The following DAB1 variants were observed in gnomAD, a reference collection of about 807,000 sequenced individuals.
DAB1 encodes the protein DAB adaptor protein 1, also known as disabled homolog 1.
A neutral mutation model predicts 64.6 loss-of-function variants in DAB1; 15 were observed. That is an observed-to-expected ratio of 0.23 (90% CI 0.16 to 0.36). The LOEUF (loss-of-function observed/expected upper bound fraction) is 0.36. DAB1 is among the 10% of genes least tolerant of loss of function. DAB1 has a pLI of 1.00. For synonymous variants in DAB1, 235 were observed against 251.9 expected (o/e 0.93, Z 0.64); for missense variants, 596 against 706.7 (o/e 0.84, Z 1.78).
chr1:58,025,073 C>T (rs979344273), intron 5 of DAB1, among the ~76,000 whole-genome samples: 3 of 151,596 alleles, frequency 2.0e-5, no homozygotes, highest in Non-Finnish European at 4.4e-5. Flanking sequence ...TCCCCTTTCC[C>T]TCCTCCTTCC....
intron 2 of DAB1, among the ~76,000 whole-genome samples, chr1:57,194,518 G>C (rs1664457523): frequency 6.6e-6 from 1 of 152,112 alleles, no homozygotes; most frequent in Non-Finnish European, 1.5e-5. Context: ...ACAACAAGTG[G>C]GCCAGATAAA....
intron 2 of DAB1, among the ~76,000 whole-genome samples, chr1:57,260,738 T>C (rs1670120506): frequency 6.6e-6 from 1 of 152,192 alleles, no homozygotes; most frequent in African/African-American, 2.4e-5. Flanking sequence ...TCCAGTGCTC[T>C]TGGTTTTCTC....
intron 6 of DAB1, among the ~76,000 whole-genome samples, chr1:57,792,319 T>C (rs1183730898): frequency 1.3e-5 from 2 of 152,228 alleles, no homozygotes; most frequent in African/African-American, 4.8e-5. Context: ...ACACATTTAT[T>C]TATTTTTATG....
chr1:58,454,816 A>G (rs1272452128), intron 3 of DAB1, among the ~76,000 whole-genome samples: 1 of 152,272 alleles, frequency 6.6e-6, no homozygotes. Flanking sequence ...CTTTCTCAGG[A>G]AAGAAAATAC....
intron 5 of DAB1, among the ~76,000 whole-genome samples, chr1:58,037,519 C>T (rs1433922914): frequency 6.6e-6 from 1 of 152,128 alleles, no homozygotes; most frequent in Non-Finnish European, 1.5e-5. Context: ...GTGGGAACTC[C>T]ATTGTGAACT....
At chr1:58,085,930 C>T (rs184943269) in intron 5 of DAB1, among the ~76,000 whole-genome samples, 6 of 147,822 alleles carry the variant, frequency 4.1e-5, no homozygotes, top group African/African-American at 7.5e-5. Flanking sequence ...ATTAGCAAAA[C>T]TGGGATGCTG....
intron 1 of DAB1, among the ~76,000 whole-genome samples, chr1:57,354,349 C>T (rs1329945113): frequency 6.6e-6 from 1 of 152,096 alleles, no homozygotes; most frequent in Non-Finnish European, 1.5e-5. Flanking sequence ...TCCTTTTGGA[C>T]CTTAGATCAC....
At chr1:58,480,995 T>C (rs1645471621) in intron 3 of DAB1, 5 of 870,978 alleles carry the variant, frequency 5.7e-6, no homozygotes, top group Non-Finnish European at 1.0e-5. Flanking sequence ...CAACTATGTA[T>C]GTTAATGGTA....
At chr1:57,634,461 A>G (rs1326592721) in intron 7 of DAB1, among the ~76,000 whole-genome samples, 1 of 152,208 alleles carries the variant, frequency 6.6e-6, no homozygotes, top group Admixed American at 6.5e-5. Context: ...AGCAAATATA[A>G]TAGTATGCAT....
chr1:57,855,159 T>C (rs1040807459), intron 1 of DAB1, among the ~76,000 whole-genome samples: 1 of 152,128 alleles, frequency 6.6e-6, no homozygotes, highest in Non-Finnish European at 1.5e-5. Context: ...GCACAGCAAC[T>C]TCTGCAGGGC....
intron 5 of DAB1, among the ~76,000 whole-genome samples, chr1:58,111,652 C>T (rs1228794331): frequency 1.3e-5 from 2 of 152,122 alleles, no homozygotes; most frequent in Non-Finnish European, 2.9e-5. Flanking sequence ...CACAGTAAGT[C>T]CTGTTCTCAT....
chr1:57,680,799 G>A (rs1290352074), intron 6 of DAB1, among the ~76,000 whole-genome samples: 2 of 152,198 alleles, frequency 1.3e-5, no homozygotes, highest in Non-Finnish European at 2.9e-5. Context: ...TGAAAACCAT[G>A]CGATAGTACA....
intron 3 of DAB1, among the ~76,000 whole-genome samples, chr1:58,393,578 C>A (rs1054018303): frequency 6.6e-6 from 1 of 152,116 alleles, no homozygotes; most frequent in African/African-American, 2.4e-5. Flanking sequence ...GCAAGTGCCA[C>A]AGACTAGGAG....
At chr1:58,309,602 T>A (rs528472474) in intron 4 of DAB1, among the ~76,000 whole-genome samples, 1 of 152,324 alleles carries the variant, frequency 6.6e-6, no homozygotes, top group East Asian at 1.9e-4. Context: ...GTCTGCCAAC[T>A]ACAAGTCCAC....
At chr1:57,748,912 T>A (rs1431542915) in intron 6 of DAB1, among the ~76,000 whole-genome samples, 4 of 152,198 alleles carry the variant, frequency 2.6e-5, no homozygotes, top group Non-Finnish European at 5.9e-5. Flanking sequence ...AGGGCAAATC[T>A]TTTCATGTGA....
At chr1:58,187,489 C>A (rs1028002489) in intron 4 of DAB1, among the ~76,000 whole-genome samples, 1 of 150,636 alleles carries the variant, frequency 6.6e-6, no homozygotes. Flanking sequence ...AAAAAAGAAG[C>A]CTGACTACAA....
At chr1:58,402,656 G>C (rs146447836) in intron 3 of DAB1, among the ~76,000 whole-genome samples, 1 of 151,386 alleles carries the variant, frequency 6.6e-6, no homozygotes, top group African/African-American at 2.4e-5. Context: ...GAGGGGGGGA[G>C]AGAGAGGGAG....
At chr1:57,655,274 CATCT>C (rs1646303737) in intron 6 of DAB1, among the ~76,000 whole-genome samples, 1 of 152,032 alleles carries the variant, frequency 6.6e-6, no homozygotes, top group African/African-American at 2.4e-5. Context: ...TCCATCCATC[CATCT>C]ATCCAACCAC....
chr1:57,441,415 A>T (rs1386341562), intron 7 of DAB1, among the ~76,000 whole-genome samples: 2 of 147,336 alleles, frequency 1.4e-5, no homozygotes, highest in Non-Finnish European at 3.0e-5. Flanking sequence ...GAGTGTACTG[A>T]CCTGAACATA....
Sources: allele counts gnomAD v4.1 joint callset (sites outside exome capture counted in the v4.1 genomes callset), GRCh38; gene constraint gnomAD v4.1.1; transcripts MANE v1.5; gene names NCBI Gene and HGNC (gene_info 2026-07-23, HGNC 2026-07-21).